The following DNER variants were observed in gnomAD, a reference collection of about 807,000 sequenced individuals.
The protein encoded by DNER is delta/notch like EGF repeat containing.
DNER carries 33 observed loss-of-function variants against 78.2 expected under a neutral mutation model. The observed-to-expected ratio is 0.42, with a 90% CI of 0.32 to 0.56. The LOEUF (loss-of-function observed/expected upper bound fraction) is 0.56, where lower values mean the gene tolerates loss of function less well. Ranked by LOEUF, DNER falls within the 20% of genes least tolerant of loss-of-function variation. The pLI, the probability that DNER is intolerant of heterozygous loss-of-function variation, is 0.11. For missense variants in DNER, 918 were observed against 975.3 expected (o/e 0.94, Z 0.78); for synonymous variants, 417 against 384.8 (o/e 1.08, Z -0.98).
At chr2:229,606,867 C>T (rs1697951346) in intron 1 of DNER, among the ~76,000 whole-genome samples, 1 of 152,088 alleles carries the variant, frequency 6.6e-6, no homozygotes, top group South Asian at 2.1e-4. Context: ...GCACTCCATC[C>T]TAGGCAACGA....
intron 6 of DNER, among the ~76,000 whole-genome samples, chr2:229,495,476 C>T (rs989197170): frequency 6.6e-6 from 1 of 152,138 alleles, no homozygotes; most frequent in African/African-American, 2.4e-5. Flanking sequence ...TGAAAGCTAG[C>T]AGGCTCGAGA....
chr2:229,358,886 G>GC (rs1458676465), intron 12 of DNER, among the ~76,000 whole-genome samples: 3 of 152,202 alleles, frequency 2.0e-5, no homozygotes, highest in African/African-American at 7.2e-5. Flanking sequence ...CAAAGTTGGA[G>GC]CTTGCAGGTT....
At chr2:229,397,037 A>G (rs1236891639) in intron 10 of DNER, among the ~76,000 whole-genome samples, 3 of 152,202 alleles carry the variant, frequency 2.0e-5, no homozygotes, top group African/African-American at 7.2e-5. Context: ...CAGATACATC[A>G]CAATCAATTT....
chr2:229,517,922 G>A lies in DNER; in HGVS notation c.994-4986C>T, dbSNP rs145864761. Among the ~76,000 whole-genome samples the A allele has an allele frequency of 3.0e-3, 460 of 152,324 alleles. 4 individuals carry two copies. Among genetic ancestry groups the A allele is most frequent in the African/African-American group, 0.011 (439 of 41,572 alleles). ...GCTACTGTAAGAACCCTGGCTTGGTGTGAAATTTTGGAAAAGATAGTTCTT... is the reference window on the plus strand; with the variant it reads ...GCTACTGTAAGAACCCTGGCTTGGTATGAAATTTTGGAAAAGATAGTTCTT... On this transcript the variant is annotated intron_variant, in intron 5 of 12. Transcript: ENST00000341772.
intron 1 of DNER, among the ~76,000 whole-genome samples, chr2:229,661,813 C>T (rs1440863650): frequency 6.6e-6 from 1 of 152,154 alleles, no homozygotes; most frequent in African/African-American, 2.4e-5. Context: ...ATAGTGACCC[C>T]TTTGAAAAAA....
chr2:229,602,576 A>C (rs754990739), intron 1 of DNER, among the ~76,000 whole-genome samples: 3 of 152,224 alleles, frequency 2.0e-5, no homozygotes, highest in African/African-American at 4.8e-5. Flanking sequence ...ATGCAGATAA[A>C]TTATTAAAAT....
At chr2:229,619,230 A>G (rs1698214960) in intron 1 of DNER, among the ~76,000 whole-genome samples, 1 of 152,166 alleles carries the variant, frequency 6.6e-6, no homozygotes, top group African/African-American at 2.4e-5. Context: ...ACAAAGCTAA[A>G]ATATCCTAAA....
chr2:229,498,941 C>T (rs76605900), intron 6 of DNER, among the ~76,000 whole-genome samples: 1,699 of 152,214 alleles, frequency 0.011, 30 homozygotes, highest in African/African-American at 0.039. Flanking sequence ...ACAAAAGACT[C>T]CAAATAGCTA....
chr2:229,684,161 A>T lies in DNER; in HGVS notation c.276+29987T>A, dbSNP rs1230423616. Among the ~76,000 whole-genome samples the T allele has an allele frequency of 2.4e-4, 32 of 135,344 alleles. No individual in the cohort carries two copies. The South Asian group carries it at 3.6e-3, about 15-fold the overall frequency. 88.8% of individuals were successfully genotyped at this position (135,344 alleles called of 152,430 possible). A position where few individuals can be genotyped will look rare whatever the true frequency, so the allele number is the denominator to read the frequency against. On this transcript the variant is annotated intron_variant, in intron 1 of 12. Coordinates refer to ENST00000341772, the MANE Select transcript of DNER (RefSeq NM_139072.4). ...CTGTGTATGTGAGAGAGAGAGAGAG[A>T]GAGAGAGAGTGTGTGTGTGTGTGTG...
chr2:229,452,882 C>T (rs982486136), intron 7 of DNER, among the ~76,000 whole-genome samples: 10 of 152,232 alleles, frequency 6.6e-5, no homozygotes, highest in Admixed American at 2.0e-4. Context: ...CTCGCCTCAG[C>T]CTCCCAAAGT....
At chr2:229,545,206 C>A (rs575818318) in intron 5 of DNER, among the ~76,000 whole-genome samples, 2 of 152,110 alleles carry the variant, frequency 1.3e-5, no homozygotes, top group Non-Finnish European at 2.9e-5. Context: ...ATGGAACAGG[C>A]CCCCCTTGTA....
intron 4 of DNER, among the ~76,000 whole-genome samples, chr2:229,572,226 C>T (rs1222205195): frequency 6.6e-6 from 1 of 152,180 alleles, no homozygotes; most frequent in African/African-American, 2.4e-5. Flanking sequence ...GCTCAAGATA[C>T]ACCTCGAGTT....
intron 11 of DNER, among the ~76,000 whole-genome samples, chr2:229,378,941 T>A (rs1010701434): frequency 6.6e-6 from 1 of 152,186 alleles, no homozygotes; most frequent in African/African-American, 2.4e-5. Flanking sequence ...CTCCTTTCCA[T>A]ATACTCAGGT....
chr2:229,510,177 T>A (rs970607450), intron 6 of DNER, among the ~76,000 whole-genome samples: 1 of 151,696 alleles, frequency 6.6e-6, no homozygotes, highest in Admixed American at 6.6e-5. Context: ...GACATGGGGG[T>A]GAGATAGGGC....
At chr2:229,477,608 T>C (rs1379702970) in intron 6 of DNER, among the ~76,000 whole-genome samples, 16 of 152,198 alleles carry the variant, frequency 1.1e-4, no homozygotes, top group Admixed American at 1.0e-3. Context: ...TTTACAGTGT[T>C]CAGCTTGATC....
At chr2:229,403,731 A>G (rs1170705825) in intron 10 of DNER, among the ~76,000 whole-genome samples, 4 of 151,996 alleles carry the variant, frequency 2.6e-5, no homozygotes, top group Admixed American at 2.0e-4. Context: ...CTGGTGGGGT[A>G]TATATGGGTA....
chr2:229,440,582 T>A (rs1241499188), intron 8 of DNER, among the ~76,000 whole-genome samples: 1 of 152,226 alleles, frequency 6.6e-6, no homozygotes, highest in Non-Finnish European at 1.5e-5. Flanking sequence ...ATGGCTTCCA[T>A]GACTTTCTCT....
chr2:229,654,707 A>G (rs1484614809), intron 1 of DNER, among the ~76,000 whole-genome samples: 5 of 152,174 alleles, frequency 3.3e-5, no homozygotes, highest in Non-Finnish European at 7.3e-5. Flanking sequence ...AAACAACAAG[A>G]TGAAGAGGTT....
At chr2:229,656,146 C>A (rs1400007917) in intron 1 of DNER, among the ~76,000 whole-genome samples, 2 of 152,136 alleles carry the variant, frequency 1.3e-5, no homozygotes, top group African/African-American at 4.8e-5. Flanking sequence ...AATACAGGCA[C>A]CTGAGCCATT....
Sources: allele counts gnomAD v4.1 joint callset (sites outside exome capture counted in the v4.1 genomes callset), GRCh38; gene constraint gnomAD v4.1.1; transcripts MANE v1.5; gene names NCBI Gene and HGNC (gene_info 2026-07-23, HGNC 2026-07-21).